TES: variants seen among roughly 807,000 people sequenced by gnomAD.
TES encodes the protein testin.
TES carries 41 observed loss-of-function variants against 48.2 expected under a neutral mutation model. The observed-to-expected ratio is 0.85, with a 90% CI of 0.66 to 1.10. The LOEUF (loss-of-function observed/expected upper bound fraction) is 1.10, where lower values mean the gene tolerates loss of function less well. Among genes scored for constraint, TES ranks in the 50% least tolerant of loss-of-function variants. TES has a pLI of 0.00. For synonymous variants in TES, 162 were observed against 174.9 expected (o/e 0.93, Z 0.58); for missense variants, 463 against 515.1 (o/e 0.90, Z 0.98).
In TES at chr7:116,257,413, T is replaced by G. The variant is rs1164299600; in HGVS notation, c.1197T>G (p.Ile399Met). 1 of 1,613,976 alleles carries G rather than the reference T, an allele frequency of 6.2e-7. No homozygotes were observed. Among genetic ancestry groups the G allele is most frequent in the Non-Finnish European group, 8.5e-7 (1 of 1,179,994 alleles). Residue 399 changes from isoleucine (I) to methionine (M), a missense_variant, in exon 7 of 7, where the codon ATT (isoleucine) becomes ATG (methionine). By Grantham distance (10) the Ile-to-Met change is conservative. Transcript: ENST00000358204. ...FLCSCCSKCLIGQKFMPVEGM... is the reference protein window; with the variant it reads ...FLCSCCSKCLMGQKFMPVEGM... Reference sequence around the variant, plus strand: ...GCTCTTGCTGCAGCAAATGCCTCATTGGGCAGAAGTTCATGCCAGTAGAAG... The same window carrying G: ...GCTCTTGCTGCAGCAAATGCCTCATGGGGCAGAAGTTCATGCCAGTAGAAG...
In TES at chr7:116,248,650, A is replaced by T. The variant is rs1799960020; in HGVS notation, c.114-370A>T. ...TAATGGGGTTGTCTTTTGCTTGTTG[A>T]ATTGTTCCTTATAGATTCTGAATAT... On this transcript the variant is annotated intron_variant, in intron 2 of 6. Coordinates refer to ENST00000358204, the MANE Select transcript of TES (RefSeq NM_015641.4). Among the ~76,000 whole-genome samples the T allele has an allele frequency of 2.0e-5, 3 of 151,838 alleles. No individual in the cohort carries two copies. The South Asian group carries it at 6.2e-4, about 32-fold the overall frequency.
At chr7:116,224,266 A>G (rs1182966807) in intron 1 of TES, among the ~76,000 whole-genome samples, 1 of 152,190 alleles carries the variant, frequency 6.6e-6, no homozygotes, top group Non-Finnish European at 1.5e-5. Context: ...CCTGACACAC[A>G]CAAACTATGA....
At position 116,224,828 on chromosome 7, in the gene TES, C is replaced by T. The variant is rs116728205; in HGVS notation, c.28-9706C>T. On this transcript the variant is annotated intron_variant, in intron 1 of 6. Transcript: ENST00000358204. ...GAGAAGTTACAGAAGAGGAATATTA[C>T]CCTTTACATTACTATTTACCTTTTT... Among the ~76,000 whole-genome samples the T allele has an allele frequency of 1.0e-2, 1,503 of 150,886 alleles. 26 individuals are homozygous for T. Among genetic ancestry groups the T allele is most frequent in the African/African-American group, 0.035 (1,438 of 40,920 alleles).
intron 2 of TES, 62 bp downstream of exon 2, chr7:116,234,681 C>T: frequency 1.5e-6 from 2 of 1,360,730 alleles, no homozygotes; most frequent in Non-Finnish European, 2.1e-6. Context: ...CTTCCTCAGA[C>T]AGTGGAGATA....
intron 1 of TES, among the ~76,000 whole-genome samples, chr7:116,233,416 G>A (rs1181812885): frequency 1.3e-5 from 2 of 152,146 alleles, no homozygotes; most frequent in African/African-American, 2.4e-5. Flanking sequence ...TATAGCAAGG[G>A]TGATAATACA....
intron 1 of TES, 66 bp downstream of exon 1, chr7:116,210,800 C>T (rs1799427096): frequency 8.2e-7 from 1 of 1,219,098 alleles, no homozygotes; most frequent in Non-Finnish European, 1.0e-6. Flanking sequence ...GCGCGGCGGC[C>T]GGAGGTGCCG....
intron 1 of TES, among the ~76,000 whole-genome samples, chr7:116,227,461 T>C (rs1327072865): frequency 1.3e-5 from 2 of 152,126 alleles, no homozygotes; most frequent in African/African-American, 2.4e-5. Flanking sequence ...TGTTAGAGAT[T>C]TGGAAACAGG....
At chr7:116,215,148 G>A (rs749079762) in intron 1 of TES, among the ~76,000 whole-genome samples, 20 of 152,166 alleles carry the variant, frequency 1.3e-4, no homozygotes, top group African/African-American at 1.7e-4. Context: ...TTTAGATAGC[G>A]TAATCTGAAA....
chr7:116,243,694 T>C (rs1465074515), intron 2 of TES: 3 of 152,198 alleles, frequency 2.0e-5, no homozygotes, highest in African/African-American at 7.2e-5. Flanking sequence ...TATACTATCT[T>C]AATAAATTAT....
At position 116,247,532 on chromosome 7, in the gene TES, T is replaced by C. The variant is rs181978431; in HGVS notation, c.114-1488T>C. Among the ~76,000 whole-genome samples the C allele has an allele frequency of 3.5e-3, 539 of 152,302 alleles. 3 individuals are homozygous for C. Among genetic ancestry groups the C allele is most frequent in the South Asian group, 0.021 (101 of 4,828 alleles). ...TCAGTCTTTTTTTTTAATGGTACAA[T>C]TGAAGATGTCTATTATTGGGGCCAT... On this transcript the variant is annotated intron_variant, in intron 2 of 6. Transcript: ENST00000358204.
intron 6 of TES, among the ~76,000 whole-genome samples, chr7:116,256,661 T>A (rs1171391889): frequency 6.6e-6 from 1 of 152,210 alleles, no homozygotes; most frequent in Non-Finnish European, 1.5e-5. Context: ...TAACACATAC[T>A]GAATGGTACA....
At position 116,237,818 on chromosome 7, in the gene TES, A is replaced by G. The variant is rs1205419008; in HGVS notation, c.113+3199A>G. On this transcript the variant is annotated intron_variant, in intron 2 of 6. Transcript: ENST00000358204. ...ACGGCTGCCTTCTCACCACGTGCTC[A>G]CATGGCCTTTCCTTGGTGTGTGTGG... is the stretch of plus-strand genomic sequence containing the variant. 2.0e-5 allele frequency: 3 copies of G among 151,866 alleles called. No individual in the cohort carries two copies. In the East Asian group the frequency reaches 5.8e-4, roughly 30 times the overall value. 9.4% of individuals were successfully genotyped at this position (151,866 alleles called of 1,614,324 possible). A position where few individuals can be genotyped will look rare whatever the true frequency, so the allele number is the denominator to read the frequency against.
Position 116,236,345 on chromosome 7 carries a change from C to G in TES, c.113+1726C>G. ...AAGTGGAAAATTTCACATACCTGACCGTGTGACAGGTTGCATTCAAAAATG... is the reference window on the plus strand; with the variant it reads ...AAGTGGAAAATTTCACATACCTGACGGTGTGACAGGTTGCATTCAAAAATG... On this transcript the variant is annotated intron_variant, in intron 2 of 6. Transcript: ENST00000358204. Among the ~76,000 whole-genome samples, 2 of 152,140 alleles carry G rather than the reference C, an allele frequency of 1.3e-5. 1 individual carries two copies.
intron 2 of TES, among the ~76,000 whole-genome samples, chr7:116,244,318 T>C (rs954831816): frequency 6.6e-6 from 1 of 152,200 alleles, no homozygotes. Flanking sequence ...AGTTAGTTAC[T>C]TCCTAGATAC....
In TES at chr7:116,257,562, AT is replaced by A. The variant is rs548624228; in HGVS notation, c.*81del. 265 of 1,198,884 alleles carry A rather than the reference AT, an allele frequency of 2.2e-4. 4 individuals are homozygous for A. The South Asian group carries it at 8.5e-3, about 38-fold the overall frequency. The allele number at this position is 1,198,884 out of a possible 1,614,324, so 74.3% of individuals were successfully genotyped here. ...TACTGTAAAATGCAATTTGAAAAAA[AT>A]AAAACGCAAAAAAAGAAACTGTAAA... On this transcript the variant is annotated 3_prime_UTR_variant, in exon 7 of 7. Transcript: ENST00000358204.
intron 1 of TES, among the ~76,000 whole-genome samples, chr7:116,229,094 T>C (rs558382344): frequency 6.0e-4 from 90 of 149,722 alleles, no homozygotes; most frequent in African/African-American, 1.9e-3. Context: ...GGTACACCTA[T>C]CTTGGTTATA....
Position 116,252,330 on chromosome 7 carries a change from AAT to A in TES, c.932_933del (p.Asn311ArgfsTer19). The A allele has an allele frequency of 1.9e-6, 3 of 1,607,588 alleles. No homozygotes were observed. The highest frequency in any genetic ancestry group is 2.6e-6 in the Non-Finnish European group (3 of 1,174,544). Reference sequence around the variant, plus strand: ...ATCTTCTTCCTAGCTGATATTCAGCAATGAGTATACCCAGGCAGAAAACCAGA... The same window carrying A: ...ATCTTCTTCCTAGCTGATATTCAGCAGAGTATACCCAGGCAGAAAACCAGA... Reference protein sequence around the residue: ...CAGCDELIFSNEYTQAENQNW... With the variant: ...CAGCDELIFSXEYTQAENQNW... On this transcript the variant is annotated frameshift_variant, in exon 6 of 7. Transcript: ENST00000358204. LOFTEE classifies it high-confidence loss of function.
chr7:116,224,791 T>C (rs1356849944), intron 1 of TES, among the ~76,000 whole-genome samples: 1 of 152,172 alleles, frequency 6.6e-6, no homozygotes, highest in Non-Finnish European at 1.5e-5. Flanking sequence ...AAGATCAAAA[T>C]TGATTACTCT....
chr7:116,253,288 G>T (rs373955255), intron 6 of TES, among the ~76,000 whole-genome samples: 2 of 152,128 alleles, frequency 1.3e-5, no homozygotes, highest in Admixed American at 1.3e-4. Context: ...GTGAAGATAA[G>T]GTAACAAGTT....
Sources: allele counts gnomAD v4.1 joint callset (sites outside exome capture counted in the v4.1 genomes callset), GRCh38; gene constraint gnomAD v4.1.1; transcripts MANE v1.5; gene names NCBI Gene and HGNC (gene_info 2026-07-23, HGNC 2026-07-21).